The following CNOT6 variants were observed in gnomAD, a reference collection of about 807,000 sequenced individuals.
CNOT6 encodes carbon catabolite repression 4 protein.
CNOT6 carries 12 observed loss-of-function variants against 61.2 expected under a neutral mutation model. The ratio of observed to expected loss-of-function variants is 0.20; its 90% CI spans 0.13 to 0.32. The LOEUF (loss-of-function observed/expected upper bound fraction) is 0.32, where lower values mean the gene tolerates loss of function less well. CNOT6 is among the 10% of genes least tolerant of loss of function. The pLI is 1.00. For missense variants in CNOT6, 405 were observed against 663.9 expected (o/e 0.61, Z 4.28); for synonymous variants, 225 against 240.6 (o/e 0.94, Z 0.60).
chr5:180,543,875 A>G (rs1434859012), intron 2 of CNOT6, among the ~76,000 whole-genome samples: 1 of 151,784 alleles, frequency 6.6e-6, no homozygotes, highest in Non-Finnish European at 1.5e-5. Context: ...CAGTGGCACG[A>G]TCTCAGCTCA....
chr5:180,526,068 G>T lies in CNOT6; in HGVS notation c.-2-3207G>T, dbSNP rs995372102. ...CCTCCCCAGCATCTCAAAGCCGTTG[G>T]GGTTATAGGCGTGAGCCATTGTGCC... On this transcript the variant is annotated intron_variant, in intron 1 of 11. Coordinates refer to ENST00000261951, the MANE Select transcript of CNOT6 (RefSeq NM_001370472.1). 7.8e-4 allele frequency among the ~76,000 whole-genome samples: 119 copies of T among 152,270 alleles called. 1 individual carries two copies. Among genetic ancestry groups the T allele is most frequent in the Non-Finnish European group, 1.9e-4 (13 of 68,024 alleles).
intron 2 of CNOT6, among the ~76,000 whole-genome samples, chr5:180,536,735 C>A (rs1290695818): frequency 6.6e-6 from 1 of 152,120 alleles, no homozygotes; most frequent in African/African-American, 2.4e-5. Flanking sequence ...CTCAGCCCCT[C>A]AAGTAGCTGG....
rs1417280457 is a variant in CNOT6 at position 180,573,942 on chromosome 5, AGTGTT to A, written c.1462-43_1462-39del. The A allele has an allele frequency of 3.1e-6, 4 of 1,283,640 alleles. No individual in the cohort carries two copies. In the East Asian group the frequency reaches 9.2e-5, roughly 30 times the overall value. The allele number at this position is 1,283,640 out of a possible 1,614,324, so 79.5% of individuals were successfully genotyped here. ...ATGTCTTGAAAGCACTGAGGATTTT[AGTGTT>A]GTCTTATACGGTGCTTATCTTTTTT... On this transcript the variant is annotated intron_variant, in intron 11 of 11. Coordinates refer to ENST00000261951, the MANE Select transcript of CNOT6 (RefSeq NM_001370472.1).
chr5:180,525,258 C>T (rs926614440), intron 1 of CNOT6, among the ~76,000 whole-genome samples: 6 of 152,030 alleles, frequency 3.9e-5, no homozygotes, highest in Admixed American at 1.3e-4. Context: ...AAAAGTAGGC[C>T]GGGTGCGGTG....
Position 180,564,874 on chromosome 5 carries a change from TAAA to T in CNOT6, c.559+135_559+137del, listed in dbSNP as rs1034411975. Reference sequence around the variant, plus strand: ...AAGGTTGGTTTGGTTTGGGAGGTAATAAAAAAGAATTCTTGCTCACATGACCTC... The same window carrying T: ...AAGGTTGGTTTGGTTTGGGAGGTAATAAAGAATTCTTGCTCACATGACCTC... On this transcript the variant is annotated intron_variant, in intron 6 of 11. Coordinates refer to ENST00000261951, the MANE Select transcript of CNOT6 (RefSeq NM_001370472.1). The T allele has an allele frequency of 4.2e-5, 29 of 684,326 alleles. No individual in the cohort carries two copies. The Admixed American group carries it at 4.8e-4, about 11-fold the overall frequency. 42.4% of individuals were successfully genotyped at this position (684,326 alleles called of 1,614,324 possible).
intron 9 of CNOT6, among the ~76,000 whole-genome samples, chr5:180,568,381 A>G (rs1760570070): frequency 6.6e-6 from 1 of 151,630 alleles, no homozygotes. Flanking sequence ...TCTTTTCCTG[A>G]TCTATTTAAA....
Position 180,518,390 on chromosome 5 carries a change from G to A in CNOT6, c.-2-10885G>A, listed in dbSNP as rs146137217. Among the ~76,000 whole-genome samples the A allele has an allele frequency of 3.3e-5, 5 of 152,260 alleles. No individual in the cohort carries two copies. In the East Asian group the frequency reaches 9.6e-4, roughly 29 times the overall value. ...ATTAGAGCTTGAAATTGAGAGTTTA[G>A]GAGTGCCATTATTCCGGAGATAATA... On this transcript the variant is annotated intron_variant, in intron 1 of 11. Coordinates refer to ENST00000261951, the MANE Select transcript of CNOT6 (RefSeq NM_001370472.1).
In CNOT6 at chr5:180,503,098, A is replaced by G. The variant is rs542548176; in HGVS notation, c.-3+8335A>G. Among the ~76,000 whole-genome samples, 131 of 152,242 alleles carry G rather than the reference A, an allele frequency of 8.6e-4. 1 individual carries two copies. In the South Asian group the frequency reaches 0.015, roughly 17 times the overall value. On this transcript the variant is annotated intron_variant, in intron 1 of 11. Transcript: ENST00000261951. ...AAATGATATTGAATGCCGGTGGTGC[A>G]GTGGGCTCTGCTGCTTTACATGTGT...
At chr5:180,524,195 A>G (rs962398708) in intron 1 of CNOT6, among the ~76,000 whole-genome samples, 7 of 152,152 alleles carry the variant, frequency 4.6e-5, no homozygotes, top group African/African-American at 1.4e-4. Context: ...GTAATTCTTG[A>G]AAGTTTTCAG....
In CNOT6 at chr5:180,576,571, T is replaced by A. The variant is rs1457549244; in HGVS notation, c.*2371T>A. 1.3e-5 allele frequency: 2 copies of A among 152,688 alleles called. No individual in the cohort carries two copies. Among genetic ancestry groups the A allele is most frequent in the Non-Finnish European group, 2.9e-5 (2 of 68,048 alleles). 9.5% of individuals were successfully genotyped at this position (152,688 alleles called of 1,614,324 possible). A position where few individuals can be genotyped will look rare whatever the true frequency, so the allele number is the denominator to read the frequency against. On this transcript the variant is annotated 3_prime_UTR_variant, in exon 12 of 12. Coordinates refer to ENST00000261951, the MANE Select transcript of CNOT6 (RefSeq NM_001370472.1). ...TGCCTCTTCCAGGCATACTGCATTC[T>A]GTGGATCAGTTTGAACAGCTTCTCC...
At chr5:180,544,643 A>T (rs1759215789) in intron 2 of CNOT6, among the ~76,000 whole-genome samples, 2 of 152,076 alleles carry the variant, frequency 1.3e-5, no homozygotes, top group South Asian at 4.1e-4. Context: ...TGGAATTATG[A>T]TCACCCTGTA....
intron 1 of CNOT6, among the ~76,000 whole-genome samples, chr5:180,498,788 A>G (rs1334719209): frequency 1.3e-5 from 2 of 152,126 alleles, no homozygotes; most frequent in Non-Finnish European, 2.9e-5. Flanking sequence ...GTATGGAGTT[A>G]GTGACTTTGA....
At chr5:180,559,151 CTGTT>C (rs1372631143) in intron 4 of CNOT6, among the ~76,000 whole-genome samples, 5 of 152,144 alleles carry the variant, frequency 3.3e-5, no homozygotes, top group African/African-American at 1.2e-4. Context: ...AACTTAATGT[CTGTT>C]AGGTCGATGG....
At chr5:180,499,170 C>A (rs935419746) in intron 1 of CNOT6, among the ~76,000 whole-genome samples, 3 of 152,180 alleles carry the variant, frequency 2.0e-5, no homozygotes, top group African/African-American at 7.2e-5. Context: ...CCCAGTTGCT[C>A]TATAATACAG....
rs1760920150 is a variant in CNOT6 at position 180,574,434 on chromosome 5, C to T, written c.*234C>T. Reference sequence around the variant, plus strand: ...GATTGGTGTGTTTGCACCTGTCTTTCATTTGTCATAAGAGATTTTCCTATT... The same window carrying T: ...GATTGGTGTGTTTGCACCTGTCTTTTATTTGTCATAAGAGATTTTCCTATT... On this transcript the variant is annotated 3_prime_UTR_variant, in exon 12 of 12. Coordinates refer to ENST00000261951, the MANE Select transcript of CNOT6 (RefSeq NM_001370472.1). The T allele has an allele frequency of 1.8e-6, 1 of 558,034 alleles. No individual in the cohort carries two copies. The highest frequency in any genetic ancestry group is 1.9e-5 in the African/African-American group (1 of 53,204). The allele number at this position is 558,034 out of a possible 1,614,324, so 34.6% of individuals were successfully genotyped here. A position where few individuals can be genotyped will look rare whatever the true frequency, so the allele number is the denominator to read the frequency against.
chr5:180,497,108 A>C (rs1268414564), intron 1 of CNOT6, among the ~76,000 whole-genome samples: 1 of 152,256 alleles, frequency 6.6e-6, no homozygotes, highest in Admixed American at 6.5e-5. Context: ...TGGGTGGATC[A>C]CCTGAGGTCA....
chr5:180,569,381 A>G lies in CNOT6; in HGVS notation c.1258+41A>G, dbSNP rs55999117. On this transcript the variant is annotated intron_variant, in intron 10 of 11. Coordinates refer to ENST00000261951, the MANE Select transcript of CNOT6 (RefSeq NM_001370472.1). Reference sequence around the variant, plus strand: ...GATTTTATGTAGAATATTTTTTGACATAAGATGATTTAGTAATGTTTTGTT... The same window carrying G: ...GATTTTATGTAGAATATTTTTTGACGTAAGATGATTTAGTAATGTTTTGTT... 36,088 of 1,425,020 alleles carry G rather than the reference A, an allele frequency of 0.025. 575 individuals carry two copies. Among genetic ancestry groups the G allele is most frequent in the Non-Finnish European group, 0.029 (29,479 of 1,018,396 alleles). The allele number at this position is 1,425,020 out of a possible 1,614,324, so 88.3% of individuals were successfully genotyped here. A position where few individuals can be genotyped will look rare whatever the true frequency, so the allele number is the denominator to read the frequency against.
At chr5:180,543,366 T>C (rs537837331) in intron 2 of CNOT6, among the ~76,000 whole-genome samples, 1 of 152,352 alleles carries the variant, frequency 6.6e-6, no homozygotes, top group Non-Finnish European at 1.5e-5. Flanking sequence ...GCCTGCACTC[T>C]GATTTTTTAA....
At chr5:180,558,162 C>G (rs191751666) in intron 4 of CNOT6, among the ~76,000 whole-genome samples, 13 of 152,256 alleles carry the variant, frequency 8.5e-5, no homozygotes, top group African/African-American at 2.4e-4. Flanking sequence ...TGCGTGGCCA[C>G]AGGGAACACA....
Sources: allele counts gnomAD v4.1 joint callset (sites outside exome capture counted in the v4.1 genomes callset), GRCh38; gene constraint gnomAD v4.1.1; transcripts MANE v1.5; gene names NCBI Gene and HGNC (gene_info 2026-07-23, HGNC 2026-07-21).